GOLM2: variants seen among roughly 807,000 people sequenced by gnomAD.
GOLM2 encodes the protein protein GOLM2.
A neutral mutation model predicts 55.9 loss-of-function variants in GOLM2; 26 were observed. The observed-to-expected ratio is 0.47, with a 90% CI of 0.34 to 0.65. The LOEUF (loss-of-function observed/expected upper bound fraction) is 0.65. GOLM2 is among the 30% of genes least tolerant of loss of function. The pLI, the probability that GOLM2 is intolerant of heterozygous loss-of-function variation, is 0.01. For missense variants in GOLM2, 486 were observed against 531.8 expected (o/e 0.91, Z 0.85); for synonymous variants, 165 against 194.6 (o/e 0.85, Z 1.27).
At chr15:44,356,224 T>TA (rs2079197355) in intron 6 of GOLM2, among the ~76,000 whole-genome samples, 2 of 144,572 alleles carry the variant, frequency 1.4e-5, no homozygotes, top group Admixed American at 1.4e-4. Context: ...AAAGACATAA[T>TA]AAAAAATTAG....
intron 9 of GOLM2, among the ~76,000 whole-genome samples, chr15:44,409,314 G>A (rs1249928865): frequency 1.3e-5 from 2 of 150,854 alleles, no homozygotes; most frequent in Non-Finnish European, 3.0e-5. Flanking sequence ...GTGGCTGGGC[G>A]CGGTGGGTCA....
At chr15:44,291,228 C>T (rs938134115) in intron 1 of GOLM2, among the ~76,000 whole-genome samples, 1 of 151,892 alleles carries the variant, frequency 6.6e-6, no homozygotes, top group African/African-American at 2.4e-5. Context: ...GATCCTCCTG[C>T]TTCAGCCTCT....
At chr15:44,316,590 C>T (rs1477322898) in intron 1 of GOLM2, among the ~76,000 whole-genome samples, 7 of 151,892 alleles carry the variant, frequency 4.6e-5, no homozygotes, top group Non-Finnish European at 5.9e-5. Flanking sequence ...CCCGTCTCTA[C>T]TAAAAATACA....
At chr15:44,386,713 A>G (rs567870636) in intron 8 of GOLM2, among the ~76,000 whole-genome samples, 154 of 152,070 alleles carry the variant, frequency 1.0e-3, no homozygotes, top group African/African-American at 3.6e-3. Flanking sequence ...TCTAAAAAAA[A>G]TTTAAAAATT....
chr15:44,415,021 A>G lies in GOLM2; in HGVS notation c.*1615A>G, dbSNP rs1310660167. ...GGGCTACTGTTAATTGCACATAAACATGAAATGTGTTTTCCCCTGTGTACT... is the reference window on the plus strand; with the variant it reads ...GGGCTACTGTTAATTGCACATAAACGTGAAATGTGTTTTCCCCTGTGTACT... On this transcript the variant is annotated 3_prime_UTR_variant, in exon 10 of 10. Coordinates refer to ENST00000299957, the MANE Select transcript of GOLM2 (RefSeq NM_138423.4). The G allele has an allele frequency of 6.6e-6, 1 of 152,652 alleles. No homozygotes were observed. Among genetic ancestry groups the G allele is most frequent in the Non-Finnish European group, 1.5e-5 (1 of 68,040 alleles). 9.5% of individuals were successfully genotyped at this position (152,652 alleles called of 1,614,324 possible). A position where few individuals can be genotyped will look rare whatever the true frequency, so the allele number is the denominator to read the frequency against.
At chr15:44,321,888 C>CA (rs1049293328) in intron 1 of GOLM2, among the ~76,000 whole-genome samples, 65 of 151,586 alleles carry the variant, frequency 4.3e-4, no homozygotes, top group African/African-American at 1.5e-3. Flanking sequence ...CCCGTCTCTG[C>CA]AAAAAAATAT....
chr15:44,290,903 A>T (rs2078716474), intron 1 of GOLM2, among the ~76,000 whole-genome samples: 1 of 151,968 alleles, frequency 6.6e-6, no homozygotes, highest in African/African-American at 2.4e-5. Context: ...CCCGGGGTTC[A>T]AGCAATTCTC....
chr15:44,389,335 GC>G (rs999168089), intron 8 of GOLM2, among the ~76,000 whole-genome samples: 1 of 152,040 alleles, frequency 6.6e-6, no homozygotes, highest in African/African-American at 2.4e-5. Flanking sequence ...TTCGAGAGCA[GC>G]CTGGCCAACA....
intron 6 of GOLM2, among the ~76,000 whole-genome samples, chr15:44,341,985 C>T (rs913436334): frequency 1.3e-5 from 2 of 151,926 alleles, no homozygotes; most frequent in African/African-American, 4.8e-5. Context: ...CGTGAGCCAC[C>T]GCGCCTGGCC....
intron 6 of GOLM2, among the ~76,000 whole-genome samples, chr15:44,341,988 G>T (rs994195298): frequency 4.6e-5 from 7 of 151,882 alleles, no homozygotes; most frequent in Non-Finnish European, 1.0e-4. Context: ...GAGCCACCGC[G>T]CCTGGCCAAT....
intron 1 of GOLM2, 108 bp from the exon 2 acceptor site, chr15:44,322,857 C>A (rs2078959926): frequency 6.0e-6 from 4 of 664,406 alleles, no homozygotes; most frequent in Non-Finnish European, 1.0e-5. Context: ...AAATAAATAA[C>A]CAGAGTTTTT....
chr15:44,341,079 CTT>C (rs533432768), intron 6 of GOLM2, among the ~76,000 whole-genome samples: 40 of 132,200 alleles, frequency 3.0e-4, no homozygotes, highest in African/African-American at 7.4e-4. Flanking sequence ...ATACTTTTCT[CTT>C]TTTTTTTTTT....
intron 1 of GOLM2, among the ~76,000 whole-genome samples, chr15:44,302,932 G>C (rs150558921): frequency 0.022 from 3,273 of 152,018 alleles, 142 homozygotes; most frequent in African/African-American, 0.075. Context: ...GTGAAACCCC[G>C]TCTCTACTAA....
chr15:44,397,496 A>C (rs1381696742), intron 8 of GOLM2, among the ~76,000 whole-genome samples: 11 of 148,060 alleles, frequency 7.4e-5, no homozygotes, highest in South Asian at 2.1e-4. Flanking sequence ...AAAAAAAAAA[A>C]AAAAAACAAA....
chr15:44,368,452 C>T (rs983237186), intron 6 of GOLM2, among the ~76,000 whole-genome samples: 4 of 151,932 alleles, frequency 2.6e-5, no homozygotes, highest in African/African-American at 9.7e-5. Context: ...CCAAACATCA[C>T]TGAAGTTTTG....
intron 2 of GOLM2, among the ~76,000 whole-genome samples, chr15:44,326,654 GTT>G (rs1163555111): frequency 1.5e-5 from 2 of 133,504 alleles, no homozygotes; most frequent in African/African-American, 2.7e-5. Flanking sequence ...TTTATTTATA[GTT>G]TTTTTTTTTT....
intron 1 of GOLM2, among the ~76,000 whole-genome samples, chr15:44,298,265 CTT>C (rs1244084019): frequency 1.6e-4 from 21 of 134,338 alleles, no homozygotes; most frequent in Admixed American, 1.5e-4. Context: ...TTTTCTTTTT[CTT>C]TTTTTTTTTT....
At chr15:44,331,059 G>T (rs2079019686) in intron 3 of GOLM2, among the ~76,000 whole-genome samples, 1 of 152,086 alleles carries the variant, frequency 6.6e-6, no homozygotes, top group Non-Finnish European at 1.5e-5. Context: ...TGACGCCCAG[G>T]CTGGGAGTGC....
intron 9 of GOLM2, chr15:44,406,855 G>A (rs2079600397): frequency 6.6e-6 from 1 of 151,924 alleles, no homozygotes; most frequent in Admixed American, 6.6e-5. Context: ...TTTGGCTTTG[G>A]TCTCCAAAAT....
Sources: allele counts gnomAD v4.1 joint callset (sites outside exome capture counted in the v4.1 genomes callset), GRCh38; gene constraint gnomAD v4.1.1; transcripts MANE v1.5; gene names NCBI Gene and HGNC (gene_info 2026-07-23, HGNC 2026-07-21).